Variants in ZNF718 observed in about 807,000 individuals in gnomAD.
ZNF718 encodes zinc finger protein 718.
A neutral mutation model predicts 2.6 loss-of-function variants in ZNF718; 3 were observed. The ratio of observed to expected loss-of-function variants is 1.16; its 90% CI spans 0.53 to 3.01. The LOEUF is 3.01. Ranked by LOEUF, ZNF718 falls within the 30% of genes most tolerant of loss-of-function variation. ZNF718 has a pLI of 0.03. For missense variants in ZNF718, 468 were observed against 230.0 expected, an observed-to-expected ratio of 2.03 and a Z score of -6.69; for synonymous variants, 135 against 77.9, an observed-to-expected ratio of 1.73 and a Z score of -3.86.
chr4:134,414 G>A (rs1487558949), intron 3 of ZNF718, among the ~76,000 whole-genome samples: 1 of 152,142 alleles, frequency 6.6e-6, no homozygotes, highest in East Asian at 1.9e-4. Context: ...AAGTGCTGGG[G>A]ATTACAGGCG....
intron 3 of ZNF718, among the ~76,000 whole-genome samples, chr4:159,022 A>ATTT (rs374771324): frequency 0.013 from 1,836 of 145,884 alleles, 47 homozygotes; most frequent in African/African-American, 0.043. Flanking sequence ...CTTAGGAGCT[A>ATTT]TTCTTTTTTT....
chr4:151,597 C>T (rs1716325748), intron 3 of ZNF718, among the ~76,000 whole-genome samples: 1 of 152,066 alleles, frequency 6.6e-6, no homozygotes, highest in African/African-American at 2.4e-5. Flanking sequence ...TTTCCTGCCT[C>T]AGCCTCGCAA....
At chr4:139,025 A>G (rs1397636986) in intron 3 of ZNF718, among the ~76,000 whole-genome samples, 2 of 152,078 alleles carry the variant, frequency 1.3e-5, no homozygotes, top group East Asian at 1.9e-4. Context: ...TATTCTTGTT[A>G]TTAATTCCTT....
At chr4:146,485 G>A (rs1553811363) in intron 3 of ZNF718, among the ~76,000 whole-genome samples, 1 of 151,704 alleles carries the variant, frequency 6.6e-6, no homozygotes, top group Non-Finnish European at 1.5e-5. Flanking sequence ...TGAATTTTTG[G>A]CAGTTTAATT....
intron 3 of ZNF718, among the ~76,000 whole-genome samples, chr4:172,112 A>T (rs116498447): frequency 0.018 from 2,683 of 152,304 alleles, 81 homozygotes; most frequent in African/African-American, 0.061. Flanking sequence ...ACTAGTCACC[A>T]TGCTGTACAA....
chr4:165,117 C>G (rs1210013945), downstream of ZNF718, among the ~76,000 whole-genome samples: 1 of 152,050 alleles, frequency 6.6e-6, no homozygotes. Context: ...ACCTCACAGC[C>G]CTTCTCCTGA....
In ZNF718 at chr4:171,929, C is replaced by T. The variant is rs556472826; in HGVS notation, c.227-29152C>T. On this transcript the variant is annotated intron_variant and NMD_transcript_variant, in intron 3 of 4. Coordinates refer to the ZNF718 transcript ENST00000642529. ...AAATGCAGAAATCACACGTCTTCTG[C>T]GTCGCTCACGCTGGGAGCTGTAGAC... 2.2e-4 allele frequency among the ~76,000 whole-genome samples: 33 copies of T among 152,312 alleles called. 1 individual carries two copies. Among genetic ancestry groups the T allele is most frequent in the East Asian group, 5.8e-4 (3 of 5,178 alleles).
At chr4:134,782 T>G (rs1715486010) in intron 3 of ZNF718, among the ~76,000 whole-genome samples, 1 of 152,142 alleles carries the variant, frequency 6.6e-6, no homozygotes, top group Non-Finnish European at 1.5e-5. Context: ...TATTTGGAAA[T>G]GCAACACATA....
chr4:143,793 C>T (rs940033060), intron 3 of ZNF718, among the ~76,000 whole-genome samples: 1 of 152,112 alleles, frequency 6.6e-6, no homozygotes, highest in Non-Finnish European at 1.5e-5. Flanking sequence ...ACACCCCTGG[C>T]CATCAAGAAA....
intron 3 of ZNF718, among the ~76,000 whole-genome samples, chr4:144,919 A>G (rs1329441977): frequency 1.4e-5 from 2 of 143,816 alleles, no homozygotes; most frequent in African/African-American, 5.3e-5. Flanking sequence ...AGACCCCATC[A>G]TATGCAAAGT....
intron 3 of ZNF718, among the ~76,000 whole-genome samples, chr4:172,827 G>A (rs1393852752): frequency 3.3e-5 from 5 of 152,020 alleles, no homozygotes; most frequent in African/African-American, 9.7e-5. Flanking sequence ...AGGCTGAGAC[G>A]GGTGGATCAC....
intron 3 of ZNF718, among the ~76,000 whole-genome samples, chr4:171,765 G>A (rs1163273485): frequency 6.6e-6 from 1 of 152,190 alleles, no homozygotes; most frequent in East Asian, 1.9e-4. Flanking sequence ...GACTAGGAAA[G>A]GGAATTCCCT....
At chr4:159,144 CT>C (rs2108801512) in intron 3 of ZNF718, among the ~76,000 whole-genome samples, 1 of 150,882 alleles carries the variant, frequency 6.6e-6, no homozygotes, top group Admixed American at 6.6e-5. Context: ...TCAAGCAATT[CT>C]TTTGCCTCAG....
intron 1 of ZNF718, 30 bp downstream of exon 1, chr4:124,703 C>G (rs377006565): frequency 5.0e-6 from 8 of 1,607,886 alleles, no homozygotes; most frequent in Non-Finnish European, 6.8e-6. Flanking sequence ...CGTCCCAAGG[C>G]TGTGGAGGCC....
chr4:130,565 G>A (rs1352936692), intron 1 of ZNF718, among the ~76,000 whole-genome samples: 1 of 101,576 alleles, frequency 9.8e-6, no homozygotes, highest in African/African-American at 3.5e-5. Flanking sequence ...GGCCAACATC[G>A]TGAAACCCTG....
At chr4:188,913 T>G (rs1436348304) in intron 3 of ZNF718, among the ~76,000 whole-genome samples, 1 of 152,070 alleles carries the variant, frequency 6.6e-6, no homozygotes, top group Non-Finnish European at 1.5e-5. Flanking sequence ...AGAACTGATA[T>G]CAGAAGTAAA....
chr4:197,521 A>G (rs1215859571), intron 3 of ZNF718, among the ~76,000 whole-genome samples: 6 of 152,188 alleles, frequency 3.9e-5, no homozygotes, highest in Non-Finnish European at 7.3e-5. Flanking sequence ...GACCCACTCC[A>G]GAAAGCTAAG....
intron 3 of ZNF718, among the ~76,000 whole-genome samples, chr4:182,107 G>A (rs78035111): frequency 0.065 from 9,825 of 152,094 alleles, 874 homozygotes; most frequent in African/African-American, 0.2. Context: ...GCTATTATGA[G>A]TGGTGCTGCA....
chr4:171,680 A>G (rs1178268392), intron 3 of ZNF718, among the ~76,000 whole-genome samples: 1 of 152,150 alleles, frequency 6.6e-6, no homozygotes, highest in African/African-American at 2.4e-5. Flanking sequence ...GCGATTTGCT[A>G]AGACCATTGG....
Sources: allele counts gnomAD v4.1 joint callset (sites outside exome capture counted in the v4.1 genomes callset), GRCh38; gene constraint gnomAD v4.1.1; transcripts MANE v1.5; gene names NCBI Gene and HGNC (gene_info 2026-07-23, HGNC 2026-07-21).